EDEM1: variants seen among roughly 807,000 people sequenced by gnomAD.
The protein encoded by EDEM1 is ER degradation-enhancing alpha-mannosidase-like protein 1.
EDEM1 carries 67 observed loss-of-function variants against 74.4 expected under a neutral mutation model. The observed-to-expected ratio is 0.90, with a 90% CI of 0.74 to 1.10. The LOEUF is 1.10. Ranked by LOEUF, EDEM1 falls within the 50% of genes least tolerant of loss-of-function variation. EDEM1 has a pLI of 0.00. For synonymous variants in EDEM1, 382 were observed against 335.9 expected (o/e 1.14, Z -1.50); for missense variants, 926 against 851.6 (o/e 1.09, Z -1.09).
intron 1 of EDEM1, among the ~76,000 whole-genome samples, chr3:5,191,192 C>G (rs2054898262): frequency 6.6e-6 from 1 of 152,112 alleles, no homozygotes; most frequent in African/African-American, 2.4e-5. Context: ...CATCCCCAAA[C>G]TAAATAATCT....
rs1218809789 is a variant in EDEM1, at chr3:5,206,106, CATT to C, written c.1217+869_1217+871del. On this transcript the variant is annotated intron_variant, in intron 6 of 11. Transcript: ENST00000256497. ...TTTTTCTCTCTGAGTTTGTTTAAAA[CATT>C]ATTCACCATTTTCTGTTGTTCCTCC... Among the ~76,000 whole-genome samples, 9 of 151,922 alleles carry C rather than the reference CATT, an allele frequency of 5.9e-5. No individual in the cohort carries two copies. The East Asian group carries it at 1.2e-3, about 20-fold the overall frequency.
In EDEM1 at chr3:5,201,839, A is replaced by G. The variant is rs756019897; in HGVS notation, c.773A>G (p.Asn258Ser). 1.9e-6 allele frequency: 3 copies of G among 1,614,016 alleles called. No individual in the cohort carries two copies. The highest frequency in any genetic ancestry group is 1.7e-5 in the Admixed American group (1 of 60,012). ...GACATGACAATTAAGGACTATGATAATGAGTTGTTATACATGGCCCATGAC... is the reference window on the plus strand; with the variant it reads ...GACATGACAATTAAGGACTATGATAGTGAGTTGTTATACATGGCCCATGAC... ...FGDMTIKDYD[N>S]ELLYMAHDLA... The change falls in exon 4 of 12, where the codon AAT (asparagine) becomes AGT (serine). Residue 258 changes from asparagine (N) to serine (S), a missense_variant. Physicochemically the swap from Asn to Ser is conservative, Grantham distance 46. Coordinates refer to ENST00000256497, the MANE Select transcript of EDEM1 (RefSeq NM_014674.3).
At chr3:5,210,505 C>T (rs113317645) in intron 9 of EDEM1, among the ~76,000 whole-genome samples, 2,465 of 152,132 alleles carry the variant, frequency 0.016, 61 homozygotes, top group African/African-American at 0.057. Context: ...ATAACATATA[C>T]GCTAAAATGT....
At position 5,213,479 on chromosome 3, in the gene EDEM1, G is replaced by A. The variant is rs1281606585; in HGVS notation, c.1841G>A (p.Arg614Lys). The A allele has an allele frequency of 6.2e-7, 1 of 1,613,918 alleles. No homozygotes were observed. Among genetic ancestry groups the A allele is most frequent in the Non-Finnish European group, 8.5e-7 (1 of 1,179,902 alleles). ...GQDQGGKSVH[R>K]PKPHELKVIN... is the part of the protein sequence containing the mutation. The stretch of plus-strand genomic sequence containing the variant: ...GACCAAGGGGGAAAGTCTGTGCACA[G>A]GCCGAAACCTCATGAGTTAAAAGTC... Residue 614 changes from arginine (R) to lysine (K), a missense_variant, in exon 11 of 12, where the codon AGG becomes AAG. Coordinates refer to ENST00000256497, the MANE Select transcript of EDEM1 (RefSeq NM_014674.3).
At chr3:5,214,280 C>T (rs2106612089) in intron 11 of EDEM1, among the ~76,000 whole-genome samples, 1 of 152,264 alleles carries the variant, frequency 6.6e-6, no homozygotes, top group South Asian at 2.1e-4. Flanking sequence ...CTTGTTATCC[C>T]CCAGGGCCTT....
chr3:5,212,773 A>T (rs2055183415), intron 10 of EDEM1, among the ~76,000 whole-genome samples: 1 of 152,182 alleles, frequency 6.6e-6, no homozygotes, highest in Non-Finnish European at 1.5e-5. Context: ...TGCACCATTG[A>T]GGGAAAGGAC....
intron 9 of EDEM1, among the ~76,000 whole-genome samples, chr3:5,210,541 A>C (rs922861714): frequency 2.0e-5 from 3 of 152,232 alleles, no homozygotes; most frequent in African/African-American, 7.2e-5. Context: ...AATATAAAGC[A>C]GTAGAATATT....
chr3:5,212,233 G>A (rs964279905), intron 10 of EDEM1, among the ~76,000 whole-genome samples: 1 of 152,190 alleles, frequency 6.6e-6, no homozygotes, highest in African/African-American at 2.4e-5. Flanking sequence ...CCATTAAGAC[G>A]ATACTCTTCT....
chr3:5,201,849 A>G lies in EDEM1; in HGVS notation c.783A>G (p.Leu261=), dbSNP rs746517139. The change falls in exon 4 of 12, where the codon TTA becomes TTG. Residue 261 remains leucine (L), a synonymous_variant. Transcript: ENST00000256497. ...MTIKDYDNEL[L]YMAHDLAVRL... ...TTAAGGACTATGATAATGAGTTGTT[A>G]TACATGGCCCATGACCTGGCGGTGC... 5.0e-6 allele frequency: 8 copies of G among 1,614,122 alleles called. No homozygotes were observed. The highest frequency in any genetic ancestry group is 6.8e-6 in the Non-Finnish European group (8 of 1,180,052).
chr3:5,213,058 T>C (rs936112197), intron 10 of EDEM1, among the ~76,000 whole-genome samples: 13 of 152,208 alleles, frequency 8.5e-5, no homozygotes, highest in Admixed American at 7.2e-4. Flanking sequence ...AGTTTCAGAA[T>C]TTCTGAGTCT....
At chr3:5,188,424 A>G (rs1168956650) in intron 1 of EDEM1, 110 bp downstream of exon 1, 3 of 1,217,712 alleles carry the variant, frequency 2.5e-6, no homozygotes, top group East Asian at 3.3e-5. Flanking sequence ...CAGGGCCGTT[A>G]GGGTCCCGGG....
Position 5,213,506 on chromosome 3 carries a change from T to C in EDEM1, c.1868T>C (p.Ile623Thr). The C allele has an allele frequency of 1.2e-6, 2 of 1,610,792 alleles. No homozygotes were observed. The highest frequency in any genetic ancestry group is 1.7e-6 in the Non-Finnish European group (2 of 1,177,816). The change falls in exon 11 of 12, where the codon ATC (isoleucine) becomes ACC (threonine). Residue 623 changes from isoleucine (I) to threonine (T), a missense_variant. Physicochemically the swap from Ile to Thr is moderately conservative, Grantham distance 89. Coordinates refer to ENST00000256497, the MANE Select transcript of EDEM1 (RefSeq NM_014674.3). Reference sequence around the variant, plus strand: ...CCGAAACCTCATGAGTTAAAAGTCATCAACTCCAGCTCCAACGTGAGTTGC... The same window carrying C: ...CCGAAACCTCATGAGTTAAAAGTCACCAACTCCAGCTCCAACGTGAGTTGC... ...HRPKPHELKVINSSSNCNRVP... is the reference protein window; with the variant it reads ...HRPKPHELKVTNSSSNCNRVP...
intron 1 of EDEM1, among the ~76,000 whole-genome samples, chr3:5,192,657 C>T (rs2054915097): frequency 6.6e-6 from 1 of 152,156 alleles, no homozygotes; most frequent in South Asian, 2.1e-4. Flanking sequence ...AGAACAAATC[C>T]AGAGTCTGAG....
intron 10 of EDEM1, 61 bp from the exon 11 acceptor site, chr3:5,213,258 C>A: frequency 1.3e-6 from 2 of 1,507,950 alleles, no homozygotes; most frequent in Non-Finnish European, 1.8e-6. Context: ...GACACGCCCC[C>A]ATGATTCAGT....
chr3:5,200,434 A>C (rs180955526), intron 3 of EDEM1, among the ~76,000 whole-genome samples: 11 of 152,072 alleles, frequency 7.2e-5, no homozygotes, highest in Non-Finnish European at 1.2e-4. Flanking sequence ...TTTGTTAGGT[A>C]TATCTCTCAC....
At chr3:5,196,133 C>G (rs2054963430) in intron 2 of EDEM1, among the ~76,000 whole-genome samples, 1 of 152,140 alleles carries the variant, frequency 6.6e-6, no homozygotes, top group Non-Finnish European at 1.5e-5. Context: ...TTTTAACATG[C>G]CATAGAAGAG....
At chr3:5,208,761 A>G (rs561777851) in intron 8 of EDEM1, among the ~76,000 whole-genome samples, 91 of 148,252 alleles carry the variant, frequency 6.1e-4, no homozygotes, top group African/African-American at 1.6e-3. Flanking sequence ...GTGTGTGTGT[A>G]TATATATATA....
rs3913312 is a variant in EDEM1, at chr3:5,205,011, T to C, written c.1043-56T>C. On this transcript the variant is annotated intron_variant, in intron 5 of 11. Coordinates refer to ENST00000256497, the MANE Select transcript of EDEM1 (RefSeq NM_014674.3). Reference sequence around the variant, plus strand: ...GTTGGAGTAGGAGGCCTGTCTCCATTCATGTCCTCCCCGATGAGACAGCTG... The same window carrying C: ...GTTGGAGTAGGAGGCCTGTCTCCATCCATGTCCTCCCCGATGAGACAGCTG... 9.8e-3 allele frequency: 15,571 copies of C among 1,585,556 alleles called. 1,293 individuals are homozygous for C. The African/African-American group carries it at 0.18, about 19-fold the overall frequency.
intron 6 of EDEM1, among the ~76,000 whole-genome samples, chr3:5,206,616 T>C (rs2055100225): frequency 6.6e-6 from 1 of 152,230 alleles, no homozygotes; most frequent in Non-Finnish European, 1.5e-5. Flanking sequence ...ACATTGCTGT[T>C]GTAGGAACCA....
Sources: gnomAD v4.1 joint callset for allele counts (sites outside exome capture counted in the v4.1 genomes callset) on GRCh38, gnomAD v4.1.1 for gene constraint, MANE v1.5 for transcripts, NCBI Gene and HGNC (gene_info 2026-07-23, HGNC 2026-07-21) for gene names.